The following ALMS1 variants were observed in gnomAD, a reference collection of about 807,000 sequenced individuals.
ALMS1 encodes the protein centrosome-associated protein ALMS1.
A neutral mutation model predicts 352.2 loss-of-function variants in ALMS1; 271 were observed. The ratio of observed to expected loss-of-function variants is 0.77; its 90% CI spans 0.70 to 0.85. The LOEUF (loss-of-function observed/expected upper bound fraction) is 0.85, where lower values mean the gene tolerates loss of function less well. Ranked by LOEUF, ALMS1 falls within the 40% of genes least tolerant of loss-of-function variation. ALMS1 has a pLI of 0.00. For synonymous variants in ALMS1, 1,865 were observed against 1,761.2 expected (o/e 1.06, Z -1.48); for missense variants, 5,445 against 4,870.7 (o/e 1.12, Z -3.51).
rs368310126 is a variant in ALMS1 at position 73,453,699 on chromosome 2, A to T, written c.7172A>T (p.Glu2391Val). Residue 2391 changes from glutamate to valine, a missense_variant, in exon 8 of 23, where the codon GAA becomes GTA. Coordinates refer to ENST00000613296, the MANE Select transcript of ALMS1 (RefSeq NM_001378454.1). ...GCAGCCAAATCTGTAATGAGGTCTG[A>T]ACCTGAAGGGTGTAGTGGAACCATT... ...YQAAKSVMRSEPEGCSGTIGN... is the reference protein window; with the variant it reads ...YQAAKSVMRSVPEGCSGTIGN... 14 of 1,614,024 alleles carry T rather than the reference A, an allele frequency of 8.7e-6. No homozygotes were observed. Among genetic ancestry groups the T allele is most frequent in the Non-Finnish European group, 1.2e-5 (14 of 1,180,020 alleles).
intron 16 of ALMS1, among the ~76,000 whole-genome samples, chr2:73,583,795 C>T (rs1045185175): frequency 2.0e-5 from 3 of 152,162 alleles, no homozygotes; most frequent in East Asian, 1.9e-4. Context: ...AACATATATG[C>T]GAGAGTTTAT....
At chr2:73,417,995 CT>C (rs1286179802) in intron 2 of ALMS1, among the ~76,000 whole-genome samples, 1 of 152,116 alleles carries the variant, frequency 6.6e-6, no homozygotes, top group African/African-American at 2.4e-5. Flanking sequence ...TGTTTAGAAA[CT>C]TTTATAGTAG....
At chr2:73,479,668 A>G (rs376789003) in intron 9 of ALMS1, among the ~76,000 whole-genome samples, 9 of 152,312 alleles carry the variant, frequency 5.9e-5, no homozygotes, top group African/African-American at 1.9e-4. Flanking sequence ...TTACCAGTAC[A>G]GCTGCTGTAA....
At chr2:73,586,366 G>C (rs1001780677) in intron 16 of ALMS1, among the ~76,000 whole-genome samples, 1 of 152,052 alleles carries the variant, frequency 6.6e-6, no homozygotes. Flanking sequence ...TTACAGAATT[G>C]TTATGGTTTC....
At chr2:73,399,587 A>G (rs1002233143) in intron 1 of ALMS1, among the ~76,000 whole-genome samples, 1 of 151,730 alleles carries the variant, frequency 6.6e-6, no homozygotes, top group Non-Finnish European at 1.5e-5. Context: ...TGTTAAACTA[A>G]TCATGAAGGA....
intron 1 of ALMS1, among the ~76,000 whole-genome samples, chr2:73,392,759 TG>T (rs890944710): frequency 1.2e-4 from 18 of 152,188 alleles, no homozygotes; most frequent in African/African-American, 3.6e-4. Flanking sequence ...TTGATGGACA[TG>T]TTTTTTTTCC....
At chr2:73,442,061 A>G (rs1218587696) in intron 7 of ALMS1, among the ~76,000 whole-genome samples, 1 of 152,122 alleles carries the variant, frequency 6.6e-6, no homozygotes, top group Non-Finnish European at 1.5e-5. Context: ...TGAACTATTA[A>G]TAATAGCTGA....
At chr2:73,508,469 T>G (rs1033981252) in intron 10 of ALMS1, among the ~76,000 whole-genome samples, 1 of 152,112 alleles carries the variant, frequency 6.6e-6, no homozygotes, top group African/African-American at 2.4e-5. Flanking sequence ...CCTCCCAAAA[T>G]GCTGGGGTTA....
chr2:73,561,572 G>C (rs917220598), intron 15 of ALMS1, among the ~76,000 whole-genome samples: 1 of 151,902 alleles, frequency 6.6e-6, no homozygotes, highest in Non-Finnish European at 1.5e-5. Flanking sequence ...GCCCAGGCTT[G>C]TGAGAGGGTG....
At position 73,462,521 on chromosome 2, in the gene ALMS1, G is replaced by A. The variant is rs1460279534; in HGVS notation, c.7674+7226G>A. ...AAAAACATGCCAAAATGTAAAGACTGTCAAGGCCAGGAAGAAACTGCATCA... is the reference window on the plus strand; with the variant it reads ...AAAAACATGCCAAAATGTAAAGACTATCAAGGCCAGGAAGAAACTGCATCA... On this transcript the variant is annotated intron_variant, in intron 9 of 22. Transcript: ENST00000613296. 2.2e-4 allele frequency among the ~76,000 whole-genome samples: 34 copies of A among 152,256 alleles called. No individual in the cohort carries two copies. In the East Asian group the frequency reaches 4.4e-3, roughly 20 times the overall value.
chr2:73,599,602 A>C, intron 17 of ALMS1, 81 bp downstream of exon 17: 2 of 1,469,842 alleles, frequency 1.4e-6, no homozygotes, highest in African/African-American at 1.4e-5. Context: ...CCTCAATCAT[A>C]ATAAAGGACA....
rs200568988 is a variant in ALMS1 at position 73,601,261 on chromosome 2, C to T, written c.11939C>T (p.Thr3980Ile). ...SRSKKENVPN[T>I]CGPGISWFEP... ...TCAAAGAAGGAAAACGTGCCTAACA[C>T]TTGTGGCCCTGGCATCTCCTGGTTT... The change falls in exon 19 of 23, where the codon ACT becomes ATT. Residue 3980 changes from threonine to isoleucine, a missense_variant. By Grantham distance (89) the Thr-to-Ile change is moderately conservative (BLOSUM62 -1). Coordinates refer to ENST00000613296, the MANE Select transcript of ALMS1 (RefSeq NM_001378454.1). The T allele has an allele frequency of 6.6e-5, 107 of 1,614,112 alleles. 3 individuals carry two copies. In the African/African-American group the frequency reaches 1.4e-3, roughly 21 times the overall value.
At chr2:73,390,969 C>T (rs1670632327) in intron 1 of ALMS1, among the ~76,000 whole-genome samples, 1 of 152,026 alleles carries the variant, frequency 6.6e-6, no homozygotes, top group South Asian at 2.1e-4. Flanking sequence ...TGGGGTTTCA[C>T]CATGTTGGCC....
At chr2:73,581,781 A>G (rs987527668) in intron 16 of ALMS1, among the ~76,000 whole-genome samples, 3 of 148,128 alleles carry the variant, frequency 2.0e-5, no homozygotes, top group African/African-American at 7.5e-5. Context: ...CGTAGTCTCT[A>G]TTGCCCAGCC....
intron 1 of ALMS1, among the ~76,000 whole-genome samples, chr2:73,407,460 T>A (rs1258418322): frequency 6.6e-6 from 1 of 151,444 alleles, no homozygotes; most frequent in Non-Finnish European, 1.5e-5. Flanking sequence ...TATGCTTTTG[T>A]CTTTTAAATC....
intron 13 of ALMS1, among the ~76,000 whole-genome samples, chr2:73,556,990 C>T (rs1674559128): frequency 6.6e-6 from 1 of 152,178 alleles, no homozygotes; most frequent in African/African-American, 2.4e-5. Context: ...GTGTGAGCCA[C>T]CCCGCCCGGC....
rs1216959165 is a variant in ALMS1, at chr2:73,484,836, C to T, written c.7675-4798C>T. On this transcript the variant is annotated intron_variant, in intron 9 of 22. Transcript: ENST00000613296. ...TCATTTCATTCATTTCTTCTTCCAT[C>T]GCTGATACCCTTTCTTCCAGTTGAT... Among the ~76,000 whole-genome samples, 3 of 152,218 alleles carry T rather than the reference C, an allele frequency of 2.0e-5. 1 individual carries two copies. In the East Asian group the frequency reaches 5.8e-4, roughly 29 times the overall value.
At chr2:73,518,738 G>A (rs181426600) in intron 10 of ALMS1, among the ~76,000 whole-genome samples, 75 of 152,126 alleles carry the variant, frequency 4.9e-4, no homozygotes, top group Middle Eastern at 3.4e-3. Flanking sequence ...TTTCATATGC[G>A]TGGTGGCTGC....
chr2:73,495,318 T>C (rs562861740), intron 10 of ALMS1, among the ~76,000 whole-genome samples: 1 of 152,066 alleles, frequency 6.6e-6, no homozygotes, highest in Non-Finnish European at 1.5e-5. Context: ...CACTGCAACC[T>C]CCACCTCCCG....
Sources: gnomAD v4.1 joint callset for allele counts (sites outside exome capture counted in the v4.1 genomes callset) on GRCh38, gnomAD v4.1.1 for gene constraint, MANE v1.5 for transcripts, NCBI Gene and HGNC (gene_info 2026-07-23, HGNC 2026-07-21) for gene names.